Variants in PID1 observed in about 807,000 individuals in gnomAD.
PID1 encodes the protein PTB-containing, cubilin and LRP1-interacting protein.
PID1 carries 10 observed loss-of-function variants against 19.1 expected under a neutral mutation model. The ratio of observed to expected loss-of-function variants is 0.52; its 90% confidence interval spans 0.32 to 0.89. The LOEUF (loss-of-function observed/expected upper bound fraction) is 0.89, where lower values mean the gene tolerates loss of function less well. Ranked by LOEUF, PID1 falls within the 40% of genes least tolerant of loss-of-function variation. The probability of loss-of-function intolerance (pLI) is 0.03; values close to 1 mark genes in which losing one functional copy is unlikely to be tolerated. For missense variants in PID1, 248 were observed against 285.3 expected (o/e 0.87, Z 0.94); for synonymous variants, 130 against 116.0 (o/e 1.12, Z -0.78).
Position 229,038,668 on chromosome 2 carries a change from A to G in PID1, c.178-12560T>C, listed in dbSNP as rs573760268. ...TTAAAGATGTATTGTTACAGAAAATAATTTTTGAAAATTTCAATTGCTTAT... is the reference window on the plus strand; with the variant it reads ...TTAAAGATGTATTGTTACAGAAAATGATTTTTGAAAATTTCAATTGCTTAT... On this transcript the variant is annotated intron_variant, in intron 2 of 2. Coordinates refer to ENST00000392055, the MANE Select transcript of PID1 (RefSeq NM_001100818.2). Among the ~76,000 whole-genome samples the G allele has an allele frequency of 9.8e-5, 15 of 152,310 alleles. No individual in the cohort carries two copies. In the South Asian group the frequency reaches 3.1e-3, roughly 32 times the overall value.
intron 1 of PID1, among the ~76,000 whole-genome samples, chr2:229,250,329 G>T (rs1690116833): frequency 6.6e-6 from 1 of 152,166 alleles, no homozygotes; most frequent in South Asian, 2.1e-4. Context: ...ACTCTTGGCA[G>T]TTTTCAACAC....
intron 1 of PID1, among the ~76,000 whole-genome samples, chr2:229,185,015 A>ATATCCCATATATATACACTATATATC (rs1691092715): frequency 1.4e-5 from 2 of 140,156 alleles, no homozygotes; most frequent in African/African-American, 5.3e-5. Context: ...CACTATATAT[A>ATATCCCATATATATACACTATATATC]CTATATGTAT....
intron 2 of PID1, among the ~76,000 whole-genome samples, chr2:229,060,157 T>C (rs1448603412): frequency 6.6e-6 from 1 of 152,086 alleles, no homozygotes; most frequent in Non-Finnish European, 1.5e-5. Context: ...TTTTTAGCCA[T>C]TTTGAAATAC....
At chr2:229,094,708 G>A (rs957294482) in intron 2 of PID1, among the ~76,000 whole-genome samples, 2 of 152,054 alleles carry the variant, frequency 1.3e-5, no homozygotes, top group South Asian at 2.1e-4. Flanking sequence ...TCAATAAATG[G>A]TGATGGAAAA....
At chr2:229,101,713 G>A (rs1238920803) in intron 2 of PID1, among the ~76,000 whole-genome samples, 1 of 152,126 alleles carries the variant, frequency 6.6e-6, no homozygotes, top group Non-Finnish European at 1.5e-5. Flanking sequence ...AAAATCTCAG[G>A]CAATCTGATA....
intron 1 of PID1, among the ~76,000 whole-genome samples, chr2:229,220,758 T>C (rs1229447422): frequency 3.3e-5 from 5 of 152,214 alleles, no homozygotes; most frequent in African/African-American, 4.8e-5. Flanking sequence ...CAGGTTTTTA[T>C]TCCCTTTGGA....
chr2:229,027,884 C>T (rs1425247463), intron 2 of PID1, among the ~76,000 whole-genome samples: 5 of 152,008 alleles, frequency 3.3e-5, no homozygotes, highest in African/African-American at 4.8e-5. Context: ...TCTGAGGAAT[C>T]GGGGCGTCGT....
intron 2 of PID1, among the ~76,000 whole-genome samples, chr2:229,093,262 C>A (rs919091048): frequency 2.0e-5 from 3 of 151,694 alleles, no homozygotes; most frequent in Non-Finnish European, 4.4e-5. Flanking sequence ...TAGCTGAGAC[C>A]ACAGGTGCAT....
intron 2 of PID1, among the ~76,000 whole-genome samples, chr2:229,058,615 T>G (rs190127121): frequency 1.1e-3 from 173 of 152,274 alleles, no homozygotes; most frequent in African/African-American, 4.0e-3. Flanking sequence ...CATCTCATTT[T>G]TATTCAACCT....
At chr2:229,112,067 TGG>T (rs1174360002) in intron 2 of PID1, among the ~76,000 whole-genome samples, 1 of 152,226 alleles carries the variant, frequency 6.6e-6, no homozygotes, top group Non-Finnish European at 1.5e-5. Flanking sequence ...CTCCAATTAT[TGG>T]ATAGCATGTG....
chr2:229,227,254 T>C (rs781181597), intron 1 of PID1, among the ~76,000 whole-genome samples: 1 of 152,210 alleles, frequency 6.6e-6, no homozygotes, highest in Non-Finnish European at 1.5e-5. Flanking sequence ...TTAAATTTAC[T>C]AAAGCTAAAT....
chr2:229,149,671 GGTTT>G (rs1056454000), intron 2 of PID1, among the ~76,000 whole-genome samples: 1 of 152,276 alleles, frequency 6.6e-6, no homozygotes, highest in Admixed American at 6.5e-5. Flanking sequence ...CTTGGAAACT[GGTTT>G]GTTTGACAGT....
rs7596379 is a variant in PID1, at chr2:229,199,916, T to C, written c.31-43952A>G. ...TTTTGAAATCAAATAACAAAAAGTT[T>C]CTACATATATGTGTGTGTGCATATA... On this transcript the variant is annotated intron_variant, in intron 1 of 2. Transcript: ENST00000392055. Among the ~76,000 whole-genome samples, 926 of 152,044 alleles carry C rather than the reference T, an allele frequency of 6.1e-3. 11 individuals are homozygous for C. Among genetic ancestry groups the C allele is most frequent in the African/African-American group, 0.022 (900 of 41,500 alleles).
chr2:229,143,946 G>A (rs1690072290), intron 2 of PID1, among the ~76,000 whole-genome samples: 1 of 152,052 alleles, frequency 6.6e-6, no homozygotes, highest in Admixed American at 6.6e-5. Flanking sequence ...ATAGCAGTGT[G>A]AAAATGGACT....
At chr2:229,258,851 G>A (rs180877174) in intron 1 of PID1, among the ~76,000 whole-genome samples, 1 of 106,728 alleles carries the variant, frequency 9.4e-6, no homozygotes, top group Non-Finnish European at 1.8e-5. Context: ...GACAAAGCGA[G>A]ACTCCGTCTC....
intron 2 of PID1, among the ~76,000 whole-genome samples, chr2:229,086,032 C>T (rs991639231): frequency 1.3e-4 from 20 of 152,006 alleles, no homozygotes; most frequent in African/African-American, 3.1e-4. Context: ...CCCTATTTTG[C>T]GCTGCCTAAT....
chr2:229,214,976 TTCTC>T (rs1214909293), intron 1 of PID1, among the ~76,000 whole-genome samples: 2 of 152,040 alleles, frequency 1.3e-5, no homozygotes, highest in African/African-American at 2.4e-5. Context: ...TATCCCCCCT[TTCTC>T]TCTCTCTCCT....
At chr2:229,224,836 A>T (rs1456174961) in intron 1 of PID1, among the ~76,000 whole-genome samples, 2 of 5,016 alleles carry the variant, frequency 4.0e-4, no homozygotes, top group Non-Finnish European at 8.3e-4. Flanking sequence ...TCAGAATAAA[A>T]AAAAAAAAAA....
chr2:229,155,795 C>A (rs1386306645), intron 2 of PID1, 23 bp downstream of exon 2: 2 of 1,589,614 alleles, frequency 1.3e-6, no homozygotes, highest in Middle Eastern at 2.1e-4. Context: ...CAAGAGAACC[C>A]CTGCTGGCCA....
Sources: gnomAD v4.1 joint callset for allele counts (sites outside exome capture counted in the v4.1 genomes callset) on GRCh38, gnomAD v4.1.1 for gene constraint, MANE v1.5 for transcripts, NCBI Gene and HGNC (gene_info 2026-07-23, HGNC 2026-07-21) for gene names.